The following ZNF334 variants were observed in gnomAD, a reference collection of about 807,000 sequenced individuals.
The protein encoded by ZNF334 is zinc finger protein 334.
In ZNF334, 14 loss-of-function variants were observed where a neutral mutation model predicts 12.4. That is an observed-to-expected ratio of 1.13 (90% CI 0.74 to 1.76). The LOEUF (loss-of-function observed/expected upper bound fraction) is 1.76. Ranked by LOEUF, ZNF334 falls within the 40% of genes most tolerant of loss-of-function variation. ZNF334 has a pLI of 0.00. For synonymous variants in ZNF334, 273 were observed against 269.6 expected, an observed-to-expected ratio of 1.01 and a Z score of -0.12; for missense variants, 797 against 804.5, an observed-to-expected ratio of 0.99 and a Z score of 0.11.
At chr20:46,498,520 T>A (rs2061062095), downstream of ZNF334, among the ~76,000 whole-genome samples, 1 of 152,174 alleles carries the variant, frequency 6.6e-6, no homozygotes, top group South Asian at 2.1e-4. Context: ...CTGGTCAACA[T>A]CTTGACAGCA....
the ZNF334 span, chr20:46,477,065 T>C: frequency 6.6e-6 from 1 of 152,348 alleles, no homozygotes; most frequent in South Asian, 2.1e-4. Flanking sequence ...ATGCCTGTTT[T>C]CCGGCATATT....
chr20:46,501,465 T>C lies in ZNF334; in HGVS notation c.1874A>G (p.Glu625Gly), dbSNP rs1655379914. 6.2e-7 allele frequency: 1 copy of C among 1,614,052 alleles called. No individual in the cohort carries two copies. Among genetic ancestry groups the C allele is most frequent in the Non-Finnish European group, 8.5e-7 (1 of 1,180,030 alleles). The change falls in exon 5 of 5, where the codon GAG becomes GGG. Residue 625 changes from glutamate to glycine, a missense_variant. By Grantham distance (98) the Glu-to-Gly change is moderately conservative (BLOSUM62 -2). Transcript: ENST00000692313. ...ACATTGATTACATTCATATGGTTTC[T>C]CTCCTGTGTGAATTCTTCTATGGAC... Reference protein sequence around the residue: ...FRVHRRIHTGEKPYECNQCGK... With the variant: ...FRVHRRIHTGGKPYECNQCGK...
chr20:46,472,545 G>A, the ZNF334 span, among the ~76,000 whole-genome samples: 1 of 152,174 alleles, frequency 6.6e-6, no homozygotes, highest in Non-Finnish European at 1.5e-5. Context: ...AGGAGGAAGG[G>A]TCTCCCAGGC....
chr20:46,464,282 G>A, the ZNF334 span: 82,152 of 551,758 alleles, frequency 0.15, 6,897 homozygotes, highest in African/African-American at 0.26. Context: ...TCTTTCTCCC[G>A]CCTGGTACTC....
the ZNF334 span, chr20:46,485,640 A>C: frequency 6.6e-6 from 1 of 152,294 alleles, no homozygotes; most frequent in East Asian, 1.9e-4. Context: ...CAGTGCTGAC[A>C]TCAGGGAAGG....
At chr20:46,462,683 T>G in the ZNF334 span, among the ~76,000 whole-genome samples, 1 of 152,236 alleles carries the variant, frequency 6.6e-6, no homozygotes, top group African/African-American at 2.4e-5. Context: ...CATTTCTTTC[T>G]TTATATAGAC....
chr20:46,478,774 A>G, the ZNF334 span, among the ~76,000 whole-genome samples: 1 of 152,216 alleles, frequency 6.6e-6, no homozygotes, highest in Non-Finnish European at 1.5e-5. Context: ...GCAAGGGAAT[A>G]TGTGTCAGGT....
chr20:46,469,370 CTTTTT>C, the ZNF334 span, among the ~76,000 whole-genome samples: 5 of 138,746 alleles, frequency 3.6e-5, no homozygotes, highest in East Asian at 1.0e-3. Context: ...CCCTATGCTC[CTTTTT>C]TTTTTTTTTT....
At position 46,508,619 on chromosome 20, in the gene ZNF334, A is replaced by G. The variant is rs557761098; in HGVS notation, c.21+3463T>C. Among the ~76,000 whole-genome samples the G allele has an allele frequency of 2.6e-5, 4 of 152,334 alleles. No individual in the cohort carries two copies. The East Asian group carries it at 7.7e-4, about 29-fold the overall frequency. ...GGGCTCAATGTGGGTGGTCCCTTCC[A>G]TCAGGGGCATGTGGCACATCTGCGG... is the stretch of plus-strand genomic sequence containing the variant. On this transcript the variant is annotated intron_variant, in intron 2 of 4. Transcript: ENST00000692313.
rs763384880 is a variant in ZNF334 at position 46,501,343 on chromosome 20, G to A, written c.1996C>T (p.Arg666Cys). 34 of 1,612,336 alleles carry A rather than the reference G, an allele frequency of 2.1e-5. No homozygotes were observed. Among genetic ancestry groups the A allele is most frequent in the South Asian group, 5.5e-5 (5 of 90,874 alleles). ...YECNKCEKTFRHKSNFLLHQK... is the reference protein window; with the variant it reads ...YECNKCEKTFCHKSNFLLHQK... ...TGTAAAAGAAAGTTTGATTTGTGGC[G>A]AAATGTTTTCTCACATTTGTTACAT... Residue 666 changes from arginine to cysteine, a missense_variant, in exon 5 of 5, where the codon CGC (arginine) becomes TGC (cysteine). Coordinates refer to ENST00000692313, the MANE Select transcript of ZNF334 (RefSeq NM_001353824.2).
chr20:46,485,714 C>G, the ZNF334 span: 1 of 152,000 alleles, frequency 6.6e-6, no homozygotes, highest in African/African-American at 2.4e-5. Flanking sequence ...TGATGAATTT[C>G]GGTCTGGAGT....
downstream of ZNF334, among the ~76,000 whole-genome samples, chr20:46,498,837 C>T (rs1388729659): frequency 6.6e-6 from 1 of 152,074 alleles, no homozygotes; most frequent in Non-Finnish European, 1.5e-5. Context: ...GACTGGTATC[C>T]TTATAACAAG....
the ZNF334 span, among the ~76,000 whole-genome samples, chr20:46,480,084 C>A: frequency 6.6e-6 from 1 of 152,294 alleles, no homozygotes; most frequent in South Asian, 2.1e-4. Context: ...TGTAATCTGA[C>A]CTCCTTGGGC....
At chr20:46,484,376 T>C in the ZNF334 span, 1 of 166,878 alleles carries the variant, frequency 6.0e-6, no homozygotes, top group South Asian at 2.1e-4. Context: ...TCCTGTGTGA[T>C]TCCCTAGAAT....
chr20:46,502,790 G>T lies in ZNF334; in HGVS notation c.549C>A (p.Tyr183Ter), dbSNP rs2061281613. 1 of 1,613,832 alleles carries T rather than the reference G, an allele frequency of 6.2e-7. No individual in the cohort carries two copies. The highest frequency in any genetic ancestry group is 8.5e-7 in the Non-Finnish European group (1 of 1,179,978). The stretch of plus-strand genomic sequence containing the variant: ...GATTGCTGGCTTTCCTCATTGGATT[G>T]TATCTGTATTTTTTCATTCCCAAAT... ...KSHLGMKKYR[Y>*]NPMRKASNQN... The change falls in exon 5 of 5, where the codon TAC becomes TAA. Residue 183 changes from tyrosine (Y) to a stop codon, truncating the protein, a stop_gained. Transcript: ENST00000692313. LOFTEE classifies it low-confidence loss of function (END_TRUNC).
chr20:46,492,936 A>C, the ZNF334 span: 1 of 151,906 alleles, frequency 6.6e-6, no homozygotes, highest in Non-Finnish European at 1.5e-5. Context: ...AGAAAAAAAA[A>C]AATTAGCAGG....
the ZNF334 span, among the ~76,000 whole-genome samples, chr20:46,470,425 C>G: frequency 2.0e-5 from 3 of 152,178 alleles, no homozygotes; most frequent in Admixed American, 1.3e-4. Context: ...GGAAACTACC[C>G]TGAGATGTGA....
chr20:46,504,348 A>C (rs1289888439), intron 3 of ZNF334, 42 bp from the exon 4 acceptor site: 1 of 1,515,428 alleles, frequency 6.6e-7, no homozygotes, highest in Non-Finnish European at 9.1e-7. Flanking sequence ...AGATCTTTGG[A>C]CATCAGAGAC....
chr20:46,489,852 G>A, the ZNF334 span, among the ~76,000 whole-genome samples: 1 of 152,112 alleles, frequency 6.6e-6, no homozygotes, highest in Non-Finnish European at 1.5e-5. Flanking sequence ...GAATGAAGAA[G>A]ATAACAGAAA....
Sources: gnomAD v4.1 joint callset for allele counts (sites outside exome capture counted in the v4.1 genomes callset) on GRCh38, gnomAD v4.1.1 for gene constraint, MANE v1.5 for transcripts, NCBI Gene and HGNC (gene_info 2026-07-23, HGNC 2026-07-21) for gene names.